Variants in CCDC78 observed in about 807,000 individuals in gnomAD.
CCDC78 encodes the protein coiled-coil domain-containing protein 78.
CCDC78 carries 78 observed loss-of-function variants against 61.9 expected under a neutral mutation model. The ratio of observed to expected loss-of-function variants is 1.26; its 90% CI spans 1.05 to 1.52. CCDC78 has a LOEUF of 1.52. Among genes scored for constraint, CCDC78 ranks in the 40% most tolerant of loss-of-function variants. CCDC78 has a pLI of 0.00. For synonymous variants in CCDC78, 287 were observed against 251.9 expected (o/e 1.14, Z -1.32); for missense variants, 737 against 615.5 (o/e 1.20, Z -2.09).
Position 725,133 on chromosome 16 carries a change from C to G in CCDC78, c.505G>C (p.Val169Leu), listed in dbSNP as rs757720726. The change falls in exon 6 of 14, where the codon GTG becomes CTG. Residue 169 changes from valine to leucine, a missense_variant. Physicochemically the swap from Val to Leu is conservative, Grantham distance 32 (BLOSUM62 1). Transcript: ENST00000345165. ...TCCTGATGCTCCAGCGCCCACTTCA[C>G]TTCCCCCTGCAGCTGTGGGGCACAC... ...HRLGSGLQGE[V>L]KWALEHQEAR... 7 of 1,612,716 alleles carry G rather than the reference C, an allele frequency of 4.3e-6. No individual in the cohort carries two copies. Among genetic ancestry groups the G allele is most frequent in the Non-Finnish European group, 5.9e-6 (7 of 1,180,014 alleles).
At chr16:723,809 C>T (rs756361553) in intron 11 of CCDC78, 48 bp downstream of exon 11, 32 of 1,528,496 alleles carry the variant, frequency 2.1e-5, no homozygotes, top group Admixed American at 1.6e-4. Context: ...GCGTTGTGCT[C>T]TCTGCTCATC....
At chr16:725,931 C>T (rs1567326872) in intron 2 of CCDC78, 35 bp downstream of exon 2, 1 of 1,579,092 alleles carries the variant, frequency 6.3e-7, no homozygotes, top group East Asian at 2.3e-5. Context: ...CTGGCACCCT[C>T]CCTCCTCACG....
At chr16:726,552 T>G, upstream of CCDC78, 7 of 644,642 alleles carry the variant, frequency 1.1e-5, no homozygotes, top group South Asian at 2.1e-5. Context: ...AGGATAGCTC[T>G]TCCTCTCTCC....
intron 11 of CCDC78, chr16:723,362 AG>A: frequency 2.8e-6 from 2 of 718,864 alleles, no homozygotes; most frequent in Non-Finnish European, 5.0e-6. Context: ...GCCCGGGCCC[AG>A]GGGGTCTGCT....
intron 11 of CCDC78, 63 bp from the exon 12 acceptor site, chr16:723,224 G>A (rs754786559): frequency 2.6e-6 from 4 of 1,553,720 alleles, no homozygotes; most frequent in East Asian, 2.3e-5. Context: ...AGGGACAGAC[G>A]TGACCGTGCT....
Position 724,743 on chromosome 16 carries a change from G to T in CCDC78, c.703C>A (p.Gln235Lys). Reference sequence around the variant, plus strand: ...TACTCATCCTTCAGTTTCTTGAGCTGCAGCTGCAGCCGGGCATTTTCAGCC... The same window carrying T: ...TACTCATCCTTCAGTTTCTTGAGCTTCAGCTGCAGCCGGGCATTTTCAGCC... Reference protein sequence around the residue: ...AEAENARLQLQLKKLKDEYVL... With the variant: ...AEAENARLQLKLKKLKDEYVL... Residue 235 changes from glutamine to lysine, a missense_variant, in exon 8 of 14, where the codon CAG (glutamine) becomes AAG (lysine). Coordinates refer to ENST00000345165, the MANE Select transcript of CCDC78 (RefSeq NM_001378030.1). 6.2e-7 allele frequency: 1 copy of T among 1,612,156 alleles called. No individual in the cohort carries two copies.
At position 725,498 on chromosome 16, in the gene CCDC78, G is replaced by C; in HGVS notation, c.350C>G (p.Ser117Cys). 2 of 1,612,674 alleles carry C rather than the reference G, an allele frequency of 1.2e-6. No homozygotes were observed. Among genetic ancestry groups the C allele is most frequent in the Admixed American group, 1.7e-5 (1 of 60,018 alleles). ...TSQGCAVPVESDPRHPRAAAQ... is the reference protein window; with the variant it reads ...TSQGCAVPVECDPRHPRAAAQ... ...TGCTGCCCGGGGATGCCTGGGGTCA[G>C]ACTCCACTGGGACTGCACAGCCCTG... Residue 117 changes from serine (S) to cysteine (C), a missense_variant, in exon 4 of 14, where the codon TCT becomes TGT. By Grantham distance (112) the Ser-to-Cys change is moderately radical. Coordinates refer to ENST00000345165, the MANE Select transcript of CCDC78 (RefSeq NM_001378030.1).
chr16:726,458 C>A, upstream of CCDC78: 3 of 1,453,526 alleles, frequency 2.1e-6, no homozygotes, highest in Non-Finnish European at 2.7e-6. Flanking sequence ...CTGCTAAGTG[C>A]GTTGCCAAGG....
chr16:725,668 G>A lies in CCDC78; in HGVS notation c.268-88C>T, dbSNP rs554174657. 105 of 1,577,502 alleles carry A rather than the reference G, an allele frequency of 6.7e-5. No homozygotes were observed. In the East Asian group the frequency reaches 1.1e-3, roughly 17 times the overall value. ...TCACCCGGTGCACGCTCAGGGGCGC[G>A]CAGCACTCAGAGGCAGGCTGAGACC... is the stretch of plus-strand genomic sequence containing the variant. On this transcript the variant is annotated intron_variant, in intron 3 of 13. Coordinates refer to ENST00000345165, the MANE Select transcript of CCDC78 (RefSeq NM_001378030.1).
Position 724,116 on chromosome 16 carries a change from C to T in CCDC78, c.1043G>A (p.Arg348Gln), listed in dbSNP as rs142170929. The T allele has an allele frequency of 2.7e-4, 425 of 1,594,716 alleles. 4 individuals are homozygous for T. The African/African-American group carries it at 4.9e-3, about 19-fold the overall frequency. The change falls in exon 10 of 14, where the codon CGG becomes CAG. Residue 348 changes from arginine (R) to glutamine (Q), a missense_variant. Physicochemically the swap from Arg to Gln is conservative, Grantham distance 43. Transcript: ENST00000345165. ...PVPLVTDFSH[R>Q]EDQHGGPGAL... ...GGTCTCTAGCCTCACCTGGTCCTCC[C>T]GATGGCTGAAGTCAGTGACCAGGGG...
chr16:726,395 GC>G lies in CCDC78; in HGVS notation c.-29del. 11 of 1,513,928 alleles carry G rather than the reference GC, an allele frequency of 7.3e-6. No homozygotes were observed. Among genetic ancestry groups the G allele is most frequent in the Non-Finnish European group, 9.7e-6 (11 of 1,139,810 alleles). The allele number at this position is 1,513,928 out of a possible 1,614,324, so 93.8% of individuals were successfully genotyped here. A position where few individuals can be genotyped will look rare whatever the true frequency, so the allele number is the denominator to read the frequency against. On this transcript the variant is annotated 5_prime_UTR_variant, in exon 1 of 14. An upstream open reading frame in the 5' UTR loses its in-frame stop. Coordinates refer to ENST00000345165, the MANE Select transcript of CCDC78 (RefSeq NM_001378030.1). ...GCTAGGGAACCCTGGCCAGCTCCGAGCCCGGTGCTGCCTCCACGCCCGGCTT... is the reference window on the plus strand; with the variant it reads ...GCTAGGGAACCCTGGCCAGCTCCGAGCCGGTGCTGCCTCCACGCCCGGCTT...
rs1427535724 is a variant in CCDC78 at position 722,799 on chromosome 16, G to GT, written c.1302-11_1302-10insA. The GT allele has an allele frequency of 1.2e-6, 2 of 1,612,476 alleles. No homozygotes were observed. Among genetic ancestry groups the GT allele is most frequent in the African/African-American group, 2.7e-5 (2 of 74,924 alleles). On this transcript the variant is annotated splice_polypyrimidine_tract_variant and intron_variant, in intron 13 of 13. Transcript: ENST00000345165. ...GATTTCGTGCTTGTACCTGCTCAGA[G>GT]GAACCATGCTTAAGTGACTTGCCCA...
Position 722,608 on chromosome 16 carries a change from T to C in CCDC78, c.*70A>G, listed in dbSNP as rs541205240. On this transcript the variant is annotated 3_prime_UTR_variant, in exon 14 of 14. Coordinates refer to ENST00000345165, the MANE Select transcript of CCDC78 (RefSeq NM_001378030.1). ...GGGTTCTATCCTGACTCATGTTTTA[T>C]GGGGGGCTGGGTGGGAGGGTTCTGT... 4.2e-6 allele frequency: 1 copy of C among 240,140 alleles called. No individual in the cohort carries two copies. Among genetic ancestry groups the C allele is most frequent in the East Asian group, 9.5e-5 (1 of 10,524 alleles). 14.9% of individuals were successfully genotyped at this position (240,140 alleles called of 1,614,324 possible). A position where few individuals can be genotyped will look rare whatever the true frequency, so the allele number is the denominator to read the frequency against.
At chr16:725,043 T>G (rs2040724326) in intron 6 of CCDC78, 35 bp downstream of exon 6, 1 of 1,612,410 alleles carries the variant, frequency 6.2e-7, no homozygotes, top group South Asian at 1.1e-5. Context: ...TTCTCTCTGC[T>G]CCAGGATGGG....
intron 11 of CCDC78, 189 bp from the exon 12 acceptor site, chr16:723,350 C>A (rs1425344410): frequency 5.5e-6 from 4 of 730,420 alleles, no homozygotes; most frequent in Non-Finnish European, 9.7e-6. Context: ...TGTATAGGGA[C>A]AGCCCGGGCC....
intron 1 of CCDC78, 37 bp downstream of exon 1, chr16:726,271 A>G: frequency 6.5e-7 from 1 of 1,549,336 alleles, no homozygotes; most frequent in Non-Finnish European, 8.7e-7. Flanking sequence ...GCAGACTTCA[A>G]CCCCATGGCA....
At position 726,424 on chromosome 16, in the gene CCDC78, C is replaced by G. The variant is rs78969045; in HGVS notation, c.-57G>C. The G allele has an allele frequency of 0.016, 24,740 of 1,500,570 alleles. 300 individuals carry two copies. Among genetic ancestry groups the G allele is most frequent in the South Asian group, 0.042 (3,310 of 78,890 alleles). The allele number at this position is 1,500,570 out of a possible 1,614,324, so 93.0% of individuals were successfully genotyped here. ...GGTGCTGCCTCCACGCCCGGCTTCC[C>G]CATGGCTGCTGCTGCCACTGGCACT... On this transcript the variant is annotated 5_prime_UTR_variant, in exon 1 of 14. Coordinates refer to ENST00000345165, the MANE Select transcript of CCDC78 (RefSeq NM_001378030.1).
rs541796686 is a variant in CCDC78 at position 723,378 on chromosome 16, G to A, written c.1134-217C>T. ...CCCGGGCCCAGGGGGTCTGCTGGCT[G>A]CTGGGGGAGGGCTAAACCACAAGGC... On this transcript the variant is annotated intron_variant, in intron 11 of 13. Transcript: ENST00000345165. The A allele has an allele frequency of 2.2e-4, 156 of 706,504 alleles. No homozygotes were observed. In the African/African-American group the frequency reaches 2.5e-3, roughly 11 times the overall value. The allele number at this position is 706,504 out of a possible 1,614,324, so 43.8% of individuals were successfully genotyped here.
chr16:722,941 C>T lies in CCDC78; in HGVS notation c.1282G>A (p.Val428Met), dbSNP rs183115411. The change falls in exon 13 of 14, where the codon GTG becomes ATG. Residue 428 changes from valine to methionine, a missense_variant. Val to Met is a conservative substitution (Grantham distance 21, BLOSUM62 1). Coordinates refer to ENST00000345165, the MANE Select transcript of CCDC78 (RefSeq NM_001378030.1). ...EEQLSELQEY[V>M]DQHLGRYKHE... is the part of the protein sequence containing the mutation. ...GCCCACCTGCCCAGGTGCTGGTCCA[C>T]GTACTCCTGTAGCTCAGAAAGTTGC... 117 of 1,612,268 alleles carry T rather than the reference C, an allele frequency of 7.3e-5. No individual in the cohort carries two copies. In the East Asian group the frequency reaches 9.6e-4, roughly 13 times the overall value.
Sources: allele counts gnomAD v4.1 joint callset, GRCh38; gene constraint gnomAD v4.1.1; transcripts MANE v1.5; gene names NCBI Gene and HGNC (gene_info 2026-07-23, HGNC 2026-07-21).